Variants in NRXN3 observed in about 807,000 individuals in gnomAD.
The protein encoded by NRXN3 is neurexin III.
In NRXN3, 32 loss-of-function variants were observed where a neutral mutation model predicts 137.6. The observed-to-expected ratio is 0.23, with a 90% CI of 0.18 to 0.31. NRXN3 has a LOEUF of 0.31. NRXN3 is among the 10% of genes least tolerant of loss of function. The pLI is 1.00. For synonymous variants in NRXN3, 798 were observed against 784.5 expected (o/e 1.02, Z -0.29); for missense variants, 1,574 against 2,062.5 (o/e 0.76, Z 4.59).
At chr14:78,244,211 C>T (rs553378708) in intron 2 of NRXN3, among the ~76,000 whole-genome samples, 1 of 152,264 alleles carries the variant, frequency 6.6e-6, no homozygotes, top group South Asian at 2.1e-4. Context: ...GGGCAGATCA[C>T]TTGAGGTCAG....
intron 11 of NRXN3, among the ~76,000 whole-genome samples, chr14:78,959,153 G>A (rs972069711): frequency 4.6e-5 from 7 of 152,072 alleles, no homozygotes; most frequent in Non-Finnish European, 8.8e-5. Context: ...ATGTACAGGT[G>A]TGTGTGTGTA....
chr14:79,148,410 C>G, intron 15 of NRXN3, among the ~76,000 whole-genome samples: 1 of 152,144 alleles, frequency 6.6e-6, no homozygotes, highest in East Asian at 1.9e-4. Context: ...AGCCAAGCTG[C>G]TGTTGTATTG....
chr14:79,798,824 G>A (rs543393926), intron 19 of NRXN3, among the ~76,000 whole-genome samples: 18 of 152,310 alleles, frequency 1.2e-4, no homozygotes, highest in Middle Eastern at 3.4e-3. Context: ...CTTTTCTCAT[G>A]CCCAATAATG....
At chr14:78,488,331 A>T (rs1322929308) in intron 4 of NRXN3, among the ~76,000 whole-genome samples, 1 of 152,170 alleles carries the variant, frequency 6.6e-6, no homozygotes, top group African/African-American at 2.4e-5. Context: ...GACACAAATC[A>T]ACTCATAACA....
chr14:79,753,039 A>AACT (rs2099004155), intron 19 of NRXN3, among the ~76,000 whole-genome samples: 2 of 151,032 alleles, frequency 1.3e-5, no homozygotes, highest in African/African-American at 4.8e-5. Flanking sequence ...CACACCAGTT[A>AACT]GAATGGCAAT....
At position 78,479,572 on chromosome 14, in the gene NRXN3, C is replaced by G. The variant is rs1274156403; in HGVS notation, c.758-165548C>G. ...TCCCCAGAACATACTTATTAAAATG[C>G]AGATTCTGGGCACCTCCCTAAACTC... On this transcript the variant is annotated intron_variant, in intron 4 of 20. Coordinates refer to ENST00000335750, the MANE Select transcript of NRXN3 (RefSeq NM_001330195.2). Among the ~76,000 whole-genome samples the G allele has an allele frequency of 4.6e-5, 7 of 152,312 alleles. No homozygotes were observed. In the East Asian group the frequency reaches 1.2e-3, roughly 25 times the overall value.
intron 16 of NRXN3, among the ~76,000 whole-genome samples, chr14:79,653,055 C>T (rs956319099): frequency 1.1e-4 from 16 of 152,036 alleles, no homozygotes; most frequent in African/African-American, 3.9e-4. Context: ...CACACACACA[C>T]ACACCAGAGT....
chr14:78,803,173 AT>A (rs1427260471), intron 8 of NRXN3, among the ~76,000 whole-genome samples: 14 of 152,020 alleles, frequency 9.2e-5, no homozygotes, highest in Admixed American at 5.2e-4. Context: ...GTAAATATCG[AT>A]TTGTCTGCTC....
intron 4 of NRXN3, among the ~76,000 whole-genome samples, chr14:78,633,891 C>G (rs2097544202): frequency 6.6e-6 from 1 of 152,214 alleles, no homozygotes; most frequent in Admixed American, 6.5e-5. Context: ...TTTTAACAAG[C>G]CACTCTGTCT....
intron 15 of NRXN3, among the ~76,000 whole-genome samples, chr14:79,228,798 C>G (rs77551563): frequency 1.3e-5 from 2 of 152,148 alleles, no homozygotes; most frequent in Non-Finnish European, 2.9e-5. Flanking sequence ...AAAAATTAGA[C>G]AGTCATTTAG....
intron 20 of NRXN3, among the ~76,000 whole-genome samples, chr14:79,836,101 T>C (rs2141344127): frequency 1.4e-5 from 2 of 145,676 alleles, no homozygotes; most frequent in South Asian, 4.2e-4. Flanking sequence ...TTCTTTGTAA[T>C]ATTATAGAGA....
At chr14:78,380,562 A>G (rs1001122722) in intron 4 of NRXN3, among the ~76,000 whole-genome samples, 4 of 152,268 alleles carry the variant, frequency 2.6e-5, no homozygotes, top group Admixed American at 2.0e-4. Flanking sequence ...GCCACAAGCC[A>G]AGAAATGTTA....
At position 78,473,480 on chromosome 14, in the gene NRXN3, A is replaced by G. The variant is rs1472646541; in HGVS notation, c.758-171640A>G. 2.0e-5 allele frequency among the ~76,000 whole-genome samples: 3 copies of G among 152,196 alleles called. No individual in the cohort carries two copies. In the East Asian group the frequency reaches 5.8e-4, roughly 29 times the overall value. ...GACTAAATTAAAAAAGAAAGGGAAG[A>G]AGTAACTTTATCTGGGATACCTGCT... is the stretch of plus-strand genomic sequence containing the variant. On this transcript the variant is annotated intron_variant, in intron 4 of 20. Coordinates refer to ENST00000335750, the MANE Select transcript of NRXN3 (RefSeq NM_001330195.2).
In NRXN3 at chr14:78,715,150, C is replaced by A. The variant is rs762316762; in HGVS notation, c.2044+11C>A. The A allele has an allele frequency of 6.3e-7, 1 of 1,598,702 alleles. No individual in the cohort carries two copies. Among genetic ancestry groups the A allele is most frequent in the Non-Finnish European group, 8.5e-7 (1 of 1,173,610 alleles). Reference sequence around the variant, plus strand: ...GAACCTGCGAAAGGGGTGAGTCGGCCTAGAGGATGGCAAGTGAGGGCCTGA... The same window carrying A: ...GAACCTGCGAAAGGGGTGAGTCGGCATAGAGGATGGCAAGTGAGGGCCTGA... On this transcript the variant is annotated intron_variant, in intron 8 of 20. Coordinates refer to ENST00000335750, the MANE Select transcript of NRXN3 (RefSeq NM_001330195.2).
intron 15 of NRXN3, among the ~76,000 whole-genome samples, chr14:79,206,160 A>C (rs1043573804): frequency 5.9e-5 from 9 of 152,216 alleles, no homozygotes; most frequent in African/African-American, 2.2e-4. Context: ...TATTAGCATT[A>C]ATTTGCATCA....
chr14:78,540,012 G>A (rs189921755), intron 4 of NRXN3, among the ~76,000 whole-genome samples: 26 of 152,314 alleles, frequency 1.7e-4, no homozygotes, highest in Admixed American at 7.2e-4. Context: ...TTGCTGAGGA[G>A]TGCTTTACTC....
At chr14:79,280,583 C>A in intron 15 of NRXN3, 2 of 1,538,162 alleles carry the variant, frequency 1.3e-6, no homozygotes, top group Non-Finnish European at 8.9e-7. Flanking sequence ...CATAGCAATT[C>A]GCTAACCCAC....
intron 4 of NRXN3, among the ~76,000 whole-genome samples, chr14:78,634,013 G>C (rs757481933): frequency 3.9e-5 from 6 of 152,184 alleles, no homozygotes; most frequent in Non-Finnish European, 7.3e-5. Flanking sequence ...TCTCAATGGG[G>C]ATTTTCTTAA....
intron 4 of NRXN3, among the ~76,000 whole-genome samples, chr14:78,538,423 A>G (rs998469283): frequency 6.6e-6 from 1 of 151,986 alleles, no homozygotes; most frequent in Non-Finnish European, 1.5e-5. Context: ...TTGTCTGTTA[A>G]TGGTGTATAG....
Sources: gnomAD v4.1 joint callset for allele counts (sites outside exome capture counted in the v4.1 genomes callset) on GRCh38, gnomAD v4.1.1 for gene constraint, MANE v1.5 for transcripts, NCBI Gene and HGNC (gene_info 2026-07-23, HGNC 2026-07-21) for gene names.